THSD7B: variants seen among roughly 807,000 people sequenced by gnomAD.
THSD7B encodes the protein thrombospondin type-1 domain-containing protein 7B.
A neutral mutation model predicts 213.6 loss-of-function variants in THSD7B; 138 were observed. The ratio of observed to expected loss-of-function variants is 0.65; its 90% CI spans 0.56 to 0.74. The LOEUF (loss-of-function observed/expected upper bound fraction) is 0.74, where lower values mean the gene tolerates loss of function less well. THSD7B is among the 30% of genes least tolerant of loss of function. The pLI, the probability that THSD7B is intolerant of heterozygous loss-of-function variation, is 0.00. For missense variants in THSD7B, 1,931 were observed against 1,991.5 expected, an observed-to-expected ratio of 0.97 and a Z score of 0.58; for synonymous variants, 742 against 687.0, an observed-to-expected ratio of 1.08 and a Z score of -1.25.
intron 2 of THSD7B, chr2:136,991,036 AAGAT>A: frequency 1.0e-6 from 1 of 988,840 alleles, no homozygotes; most frequent in Non-Finnish European, 1.4e-6. Context: ...AGGAGAAAGA[AAGAT>A]GGTTATGTGT....
intron 12 of THSD7B, among the ~76,000 whole-genome samples, chr2:137,307,623 AGCTTTCAG>A (rs921859010): frequency 1.3e-5 from 2 of 152,250 alleles, no homozygotes; most frequent in African/African-American, 4.8e-5. Flanking sequence ...TCCCTAAAAA[AGCTTTCAG>A]GCTTCCATTC....
At chr2:137,569,973 C>T (rs138684209) in intron 16 of THSD7B, among the ~76,000 whole-genome samples, 1 of 151,844 alleles carries the variant, frequency 6.6e-6, no homozygotes, top group East Asian at 1.9e-4. Flanking sequence ...AGATAGTGTG[C>T]AGGCAGGAAG....
intron 3 of THSD7B, among the ~76,000 whole-genome samples, chr2:137,090,672 A>G (rs934645797): frequency 6.6e-5 from 10 of 152,214 alleles, no homozygotes; most frequent in African/African-American, 1.9e-4. Flanking sequence ...TAAAAAGGCA[A>G]ATCAACAGAA....
intron 2 of THSD7B, among the ~76,000 whole-genome samples, chr2:136,908,961 A>C (rs1684214522): frequency 6.6e-6 from 1 of 152,142 alleles, no homozygotes; most frequent in Non-Finnish European, 1.5e-5. Context: ...TGGGAGAATC[A>C]CTTGAGGTCA....
intron 1 of THSD7B, among the ~76,000 whole-genome samples, chr2:136,776,422 G>A (rs72975532): frequency 0.015 from 2,295 of 149,364 alleles, 63 homozygotes; most frequent in African/African-American, 0.053. Flanking sequence ...CCCAATGCAG[G>A]CAGAAGGTTT....
At chr2:137,666,540 C>G (rs536687761) in intron 26 of THSD7B, among the ~76,000 whole-genome samples, 1 of 144,466 alleles carries the variant, frequency 6.9e-6, no homozygotes, top group African/African-American at 2.5e-5. Context: ...ATTGATTTCC[C>G]CCCCCCATAG....
intron 17 of THSD7B, among the ~76,000 whole-genome samples, chr2:137,606,900 T>C (rs1440884157): frequency 2.0e-5 from 3 of 152,118 alleles, no homozygotes; most frequent in Admixed American, 6.5e-5. Flanking sequence ...AAATGGCAAC[T>C]GTCACCTAAG....
chr2:137,033,158 A>G (rs1686707068), intron 2 of THSD7B, among the ~76,000 whole-genome samples: 1 of 152,164 alleles, frequency 6.6e-6, no homozygotes, highest in Non-Finnish European at 1.5e-5. Flanking sequence ...ATATTATTGT[A>G]TATGTGTCTA....
At chr2:137,366,390 T>C (rs1460121734) in intron 12 of THSD7B, among the ~76,000 whole-genome samples, 2 of 150,884 alleles carry the variant, frequency 1.3e-5, no homozygotes, top group African/African-American at 4.9e-5. Flanking sequence ...TAAAGTATAA[T>C]AATAAAAAAA....
At chr2:137,094,806 G>T in intron 3 of THSD7B, 67 bp from the exon 4 acceptor site, 1 of 1,522,188 alleles carries the variant, frequency 6.6e-7, no homozygotes, top group South Asian at 1.3e-5. Context: ...CTCATGGTAG[G>T]CACTTTATAA....
intron 10 of THSD7B, among the ~76,000 whole-genome samples, chr2:137,248,882 G>A (rs889372828): frequency 7.9e-5 from 12 of 152,166 alleles, no homozygotes; most frequent in African/African-American, 2.7e-4. Context: ...TTTCCAAAGA[G>A]TTTTTTGAGA....
At chr2:136,888,480 A>C (rs956275596) in intron 2 of THSD7B, among the ~76,000 whole-genome samples, 41 of 152,104 alleles carry the variant, frequency 2.7e-4, no homozygotes, top group African/African-American at 9.9e-4. Context: ...AGAGAAAATA[A>C]AATGTTCTTA....
intron 14 of THSD7B, among the ~76,000 whole-genome samples, chr2:137,444,141 G>T (rs1051972008): frequency 3.9e-5 from 6 of 151,950 alleles, no homozygotes; most frequent in Non-Finnish European, 8.8e-5. Context: ...TAACTATCAT[G>T]TCTCAGGCCT....
intron 2 of THSD7B, among the ~76,000 whole-genome samples, chr2:136,999,048 C>A (rs1247548795): frequency 2.0e-5 from 3 of 151,998 alleles, no homozygotes; most frequent in African/African-American, 7.2e-5. Flanking sequence ...CAATCACTCC[C>A]ATCTCTTCCT....
At chr2:136,996,943 A>AT (rs895903214) in intron 2 of THSD7B, among the ~76,000 whole-genome samples, 3 of 152,186 alleles carry the variant, frequency 2.0e-5, no homozygotes, top group Non-Finnish European at 4.4e-5. Context: ...TATTGAATGC[A>AT]TTTTTGAAGC....
intron 7 of THSD7B, among the ~76,000 whole-genome samples, chr2:137,179,206 C>A (rs927714125): frequency 2.0e-5 from 3 of 152,154 alleles, no homozygotes; most frequent in African/African-American, 7.2e-5. Flanking sequence ...CCTTGCTATC[C>A]TTTTCATCTT....
chr2:137,555,459 C>A (rs1460411735), intron 15 of THSD7B, among the ~76,000 whole-genome samples: 1 of 152,196 alleles, frequency 6.6e-6, no homozygotes, highest in East Asian at 1.9e-4. Context: ...CCAGCAAACT[C>A]CAACAGACCT....
intron 2 of THSD7B, among the ~76,000 whole-genome samples, chr2:137,034,399 C>T (rs915237447): frequency 5.3e-5 from 8 of 152,104 alleles, no homozygotes; most frequent in Admixed American, 2.6e-4. Flanking sequence ...CCACCACACC[C>T]AGCCAAATTT....
At chr2:137,199,464 T>C (rs1680834170) in intron 7 of THSD7B, among the ~76,000 whole-genome samples, 1 of 152,204 alleles carries the variant, frequency 6.6e-6, no homozygotes, top group Non-Finnish European at 1.5e-5. Context: ...GTATTTCATA[T>C]GTGCATATAA....
Sources: allele counts gnomAD v4.1 joint callset (sites outside exome capture counted in the v4.1 genomes callset), GRCh38; gene constraint gnomAD v4.1.1; transcripts MANE v1.5; gene names NCBI Gene and HGNC (gene_info 2026-07-23, HGNC 2026-07-21).